The following RNF130 variants were observed in gnomAD, a reference collection of about 807,000 sequenced individuals.
RNF130 encodes ring finger protein 130, also known as E3 ubiquitin-protein ligase RNF130.
Under a neutral mutation model 44.6 loss-of-function variants are expected in RNF130, and 21 were observed. That is an observed-to-expected ratio of 0.47 (90% CI 0.33 to 0.68). The LOEUF (loss-of-function observed/expected upper bound fraction) is 0.68, where lower values mean the gene tolerates loss of function less well. Among genes scored for constraint, RNF130 ranks in the 30% least tolerant of loss-of-function variants. The pLI, the probability that RNF130 is intolerant of heterozygous loss-of-function variation, is 0.02. For synonymous variants in RNF130, 214 were observed against 210.4 expected (o/e 1.02, Z -0.15); for missense variants, 479 against 560.6 (o/e 0.85, Z 1.47).
intron 4 of RNF130, among the ~76,000 whole-genome samples, chr5:179,979,476 G>A (rs767644181): frequency 1.2e-4 from 19 of 152,028 alleles, no homozygotes; most frequent in Non-Finnish European, 2.1e-4. Flanking sequence ...TGTGGGGCAG[G>A]AGACAGTTTT....
At chr5:179,970,362 A>G in intron 6 of RNF130, 48 bp downstream of exon 6, 2 of 1,369,358 alleles carry the variant, frequency 1.5e-6, no homozygotes, top group Non-Finnish European at 2.1e-6. Flanking sequence ...TATTACACAT[A>G]CATATAATAA....
At position 179,955,486 on chromosome 5, in the gene RNF130, T is replaced by C; in HGVS notation, c.*168A>G. The C allele has an allele frequency of 3.6e-6, 2 of 552,198 alleles. No individual in the cohort carries two copies. Among genetic ancestry groups the C allele is most frequent in the South Asian group, 3.8e-5 (1 of 26,198 alleles). 34.2% of individuals were successfully genotyped at this position (552,198 alleles called of 1,614,324 possible). ...AAGACTCAACAGCACAGACTTTTTA[T>C]TTTATTATTTATTTCTTTTAATACA... On this transcript the variant is annotated 3_prime_UTR_variant, in exon 9 of 9. Transcript: ENST00000521389.
chr5:180,017,069 T>A (rs1446352812), intron 2 of RNF130, among the ~76,000 whole-genome samples: 1 of 152,228 alleles, frequency 6.6e-6, no homozygotes, highest in Non-Finnish European at 1.5e-5. Context: ...GGCATCATGC[T>A]TAGCTGTCAT....
chr5:179,973,062 TA>T (rs1178064319), intron 5 of RNF130, among the ~76,000 whole-genome samples: 2 of 151,966 alleles, frequency 1.3e-5, no homozygotes, highest in South Asian at 2.1e-4. Context: ...TTTTGGTCTT[TA>T]AAAAAAAGTT....
rs1161555490 is a variant in RNF130 at position 179,966,911 on chromosome 5, C to T, written c.1045G>A (p.Asp349Asn). 19 of 1,614,196 alleles carry T rather than the reference C, an allele frequency of 1.2e-5. No individual in the cohort carries two copies. Among genetic ancestry groups the T allele is most frequent in the East Asian group, 4.5e-5 (2 of 44,880 alleles). ...RRSALGDLAG[D>N]NSLGLEPLRT... ...AGTGGCTCAAGGCCAAGGGAGTTGT[C>T]GCCGGCGAGGTCGCCGAGGGCTGAT... The change falls in exon 7 of 9, where the codon GAC becomes AAC. Residue 349 changes from aspartate (D) to asparagine (N), a missense_variant. Physicochemically the swap from Asp to Asn is conservative, Grantham distance 23. Coordinates refer to ENST00000521389, the MANE Select transcript of RNF130 (RefSeq NM_018434.6).
At chr5:180,042,241 T>A (rs1764436872) in intron 1 of RNF130, among the ~76,000 whole-genome samples, 1 of 152,204 alleles carries the variant, frequency 6.6e-6, no homozygotes, top group Admixed American at 6.5e-5. Flanking sequence ...CTTAAATATC[T>A]TTCCCCAAAT....
chr5:179,921,662 T>C (rs1761633112), intron 7 of RNF130, among the ~76,000 whole-genome samples: 3 of 152,146 alleles, frequency 2.0e-5, no homozygotes, highest in Admixed American at 2.0e-4. Context: ...CTGAGCATGG[T>C]GGCATGTGCT....
intron 1 of RNF130, among the ~76,000 whole-genome samples, chr5:180,061,895 C>T (rs1561713097): frequency 6.6e-6 from 1 of 152,148 alleles, no homozygotes; most frequent in Non-Finnish European, 1.5e-5. Flanking sequence ...AATTTATAAA[C>T]AGCACAAATT....
intron 5 of RNF130, among the ~76,000 whole-genome samples, chr5:179,973,468 C>T (rs1329859174): frequency 6.6e-6 from 1 of 152,240 alleles, no homozygotes; most frequent in Non-Finnish European, 1.5e-5. Context: ...CACCTTTCTG[C>T]TGTGCAGAGG....
At chr5:180,010,705 G>A (rs1763573338) in intron 3 of RNF130, among the ~76,000 whole-genome samples, 1 of 152,156 alleles carries the variant, frequency 6.6e-6, no homozygotes, top group Admixed American at 6.5e-5. Context: ...AAACTATAGA[G>A]ATGAGAAACA....
chr5:180,031,225 G>A (rs538121286), intron 2 of RNF130, among the ~76,000 whole-genome samples: 1 of 152,154 alleles, frequency 6.6e-6, no homozygotes, highest in Admixed American at 6.5e-5. Flanking sequence ...GGTGGCTCAC[G>A]CCTGTACTCC....
chr5:180,019,133 C>T (rs543617828), intron 2 of RNF130, among the ~76,000 whole-genome samples: 1 of 152,238 alleles, frequency 6.6e-6, no homozygotes, highest in Admixed American at 6.5e-5. Context: ...GCCTGTAATC[C>T]CAGCACTTTG....
intron 1 of RNF130, among the ~76,000 whole-genome samples, chr5:180,045,448 G>A (rs796985356): frequency 3.9e-5 from 6 of 152,284 alleles, no homozygotes; most frequent in African/African-American, 9.6e-5. Flanking sequence ...CATAAAGACC[G>A]CAGGGACCCA....
At chr5:179,997,823 T>C (rs1436262936) in intron 3 of RNF130, among the ~76,000 whole-genome samples, 2 of 151,966 alleles carry the variant, frequency 1.3e-5, no homozygotes, top group African/African-American at 4.8e-5. Context: ...TTTTTGCTTC[T>C]TCTGACTTTG....
In RNF130 at chr5:179,966,927, G is replaced by A. The variant is rs150207439; in HGVS notation, c.1029C>T (p.Leu343=). 2.5e-5 allele frequency: 40 copies of A among 1,614,124 alleles called. No homozygotes were observed. The highest frequency in any genetic ancestry group is 3.3e-5 in the Admixed American group (2 of 60,012). Residue 343 remains leucine, a synonymous_variant, in exon 7 of 9, where the codon CTC becomes CTT. Transcript: ENST00000521389. ...RTQAVNRRSA[L]GDLAGDNSLG... ...GGGAGTTGTCGCCGGCGAGGTCGCC[G>A]AGGGCTGATCTTCGGTTAACAGCTT...
rs1001264925 is a variant in RNF130, at chr5:180,008,184, C to A, written c.693+4877G>T. Among the ~76,000 whole-genome samples the A allele has an allele frequency of 9.9e-5, 15 of 151,824 alleles. No homozygotes were observed. The East Asian group carries it at 2.3e-3, about 24-fold the overall frequency. On this transcript the variant is annotated intron_variant, in intron 3 of 8. Coordinates refer to ENST00000521389, the MANE Select transcript of RNF130 (RefSeq NM_018434.6). Reference sequence around the variant, plus strand: ...AACAGGACCAGAGCAGCCCACCACCCGACCCCAGAAAAAGCCGAGAAAAGC... The same window carrying A: ...AACAGGACCAGAGCAGCCCACCACCAGACCCCAGAAAAAGCCGAGAAAAGC...
At chr5:180,012,921 G>T (rs1347514526) in intron 3 of RNF130, 140 bp downstream of exon 3, 4 of 948,514 alleles carry the variant, frequency 4.2e-6, no homozygotes, top group Non-Finnish European at 6.3e-6. Context: ...TCATGTAGAC[G>T]TTTCCAACAT....
intron 1 of RNF130, among the ~76,000 whole-genome samples, chr5:180,044,420 G>A (rs145662897): frequency 0.015 from 2,275 of 151,968 alleles, 40 homozygotes; most frequent in South Asian, 0.028. Flanking sequence ...TTTACCTCTT[G>A]ACAGGCACCA....
chr5:180,000,709 T>C (rs1421889144), intron 3 of RNF130, among the ~76,000 whole-genome samples: 1 of 152,236 alleles, frequency 6.6e-6, no homozygotes, highest in Non-Finnish European at 1.5e-5. Flanking sequence ...TTTCATTCAT[T>C]GAATTCTTCA....
Sources: gnomAD v4.1 joint callset for allele counts (sites outside exome capture counted in the v4.1 genomes callset) on GRCh38, gnomAD v4.1.1 for gene constraint, MANE v1.5 for transcripts, NCBI Gene and HGNC (gene_info 2026-07-23, HGNC 2026-07-21) for gene names.